LTBP3: variants seen among roughly 807,000 people sequenced by gnomAD.
The protein encoded by LTBP3 is latent transforming growth factor beta binding protein 3, also known as latent-transforming growth factor beta-binding protein 3.
A neutral mutation model predicts 159.7 loss-of-function variants in LTBP3; 97 were observed. The observed-to-expected ratio is 0.61, with a 90% CI of 0.52 to 0.72. The LOEUF (loss-of-function observed/expected upper bound fraction) is 0.72, where lower values mean the gene tolerates loss of function less well. LTBP3 is among the 30% of genes least tolerant of loss of function. LTBP3 has a pLI of 0.00. For synonymous variants in LTBP3, 824 were observed against 777.1 expected (o/e 1.06, Z -1.00); for missense variants, 1,584 against 1,864.3 (o/e 0.85, Z 2.77).
chr11:65,540,198 C>T (rs1234048250), intron 23 of LTBP3, 45 bp from the exon 24 acceptor site: 4 of 1,542,608 alleles, frequency 2.6e-6, no homozygotes, highest in South Asian at 1.2e-5. Flanking sequence ...CAGCTCGGCC[C>T]GGGCCCCGCC....
chr11:65,553,702 G>C lies in LTBP3; in HGVS notation c.863C>G (p.Pro288Arg). The change falls in exon 3 of 28, where the codon CCG becomes CGG. Residue 288 changes from proline to arginine, a missense_variant and splice_region_variant. Physicochemically the swap from Pro to Arg is moderately radical, Grantham distance 103. Around this residue, in one of 6 missense-constraint regions of LTBP3, gnomAD observed 156 missense variants for 259.7 expected, o/e 0.60. Transcript: ENST00000301873. The surrounding 1 kb of genome is among the most constrained non-coding windows in gnomAD (Gnocchi z 6.5). ...GATCCCGACTGTGGATTCACTCACC[G>C]GCTGCTTGGGCAGAGTGTCCTGAAA... is the stretch of plus-strand genomic sequence containing the variant. Reference protein sequence around the residue: ...RCFQDTLPKQPCGSNPLPGLT... With the variant: ...RCFQDTLPKQRCGSNPLPGLT... The C allele has an allele frequency of 1.3e-6, 2 of 1,574,680 alleles. No homozygotes were observed. Among genetic ancestry groups the C allele is most frequent in the Non-Finnish European group, 1.7e-6 (2 of 1,167,962 alleles).
At position 65,553,878 on chromosome 11, in the gene LTBP3, AT is replaced by A; in HGVS notation, c.686del (p.Asn229MetfsTer159). ...AEVQAPPPVVNVRVHHPPEAS... is the reference protein window; with the variant it reads ...AEVQAPPPVVXVRVHHPPEAS... Reference sequence around the variant, plus strand: ...CCTCGGGCGGGTGATGGACGCGCACATTCACCACGGGGGGCGGGGCCTGCAC... The same window carrying A: ...CCTCGGGCGGGTGATGGACGCGCACATCACCACGGGGGGCGGGGCCTGCAC... On this transcript the variant is annotated frameshift_variant, in exon 3 of 28. Coordinates refer to ENST00000301873, the MANE Select transcript of LTBP3 (RefSeq NM_001130144.3). LOFTEE classifies it high-confidence loss of function. The surrounding 1 kb of genome is among the most constrained non-coding windows in gnomAD (Gnocchi z 6.5). 2 of 1,552,440 alleles carry A rather than the reference AT, an allele frequency of 1.3e-6. No individual in the cohort carries two copies. The highest frequency in any genetic ancestry group is 1.7e-6 in the Non-Finnish European group (2 of 1,155,090).
intron 10 of LTBP3, 75 bp downstream of exon 10, chr11:65,551,327 G>A: frequency 6.4e-7 from 1 of 1,566,234 alleles, no homozygotes. Context: ...CTGTCCCCGA[G>A]TACTTAAACT....
rs1271421491 is a variant in LTBP3 at position 65,554,337 on chromosome 11, C to T, written c.375G>A (p.Ser125=). 6 of 1,612,190 alleles carry T rather than the reference C, an allele frequency of 3.7e-6. No homozygotes were observed. Among genetic ancestry groups the T allele is most frequent in the Non-Finnish European group, 5.1e-6 (6 of 1,179,812 alleles). Residue 125 remains serine (S), a synonymous_variant, in exon 2 of 28, where the codon TCG becomes TCA. Transcript: ENST00000301873. This position sits in a 1 kb window ranked among gnomAD's most constrained non-coding sequence, Gnocchi z 5.3. The stretch of plus-strand genomic sequence containing the variant: ...CCGGGGGACACAGGCACTGGTTTCG[C>T]GAGGAGCACTGGCCGCCATTCATGC... The part of the protein sequence containing the change: ...LPCMNGGQCS[S]RNQCLCPPDF...
chr11:65,553,740 G>A lies in LTBP3; in HGVS notation c.825C>T (p.Pro275=), dbSNP rs1856699032. ...GAGTGTCCTGAAAGCAGCGGCCCAG[G>A]GGCTTCTGGGTGGGCGGCCGGGGGT... is the stretch of plus-strand genomic sequence containing the variant. ...PSHPRPPTQK[P]LGRCFQDTLP... is the part of the protein sequence containing the mutation. The change falls in exon 3 of 28, where the codon CCC becomes CCT. Residue 275 remains proline, a synonymous_variant. Transcript: ENST00000301873. This position sits in a 1 kb window ranked among gnomAD's most constrained non-coding sequence, Gnocchi z 6.5. 1.3e-6 allele frequency: 2 copies of A among 1,579,282 alleles called. No individual in the cohort carries two copies. The highest frequency in any genetic ancestry group is 1.7e-6 in the Non-Finnish European group (2 of 1,170,552).
chr11:65,539,766 G>T lies in LTBP3; in HGVS notation c.3501C>A (p.Gly1167=). Reference sequence around the variant, plus strand: ...GTCGGCATTGGGCGCCCCAGCCGCGGCCCTGGCGGCAGCAGCAGTCGTCGA... The same window carrying T: ...GTCGGCATTGGGCGCCCCAGCCGCGTCCCTGGCGGCAGCAGCAGTCGTCGA... ...LTFDDCCCRQ[G]RGWGAQCRPC... The change falls in exon 25 of 28, where the codon GGC becomes GGA. Residue 1167 remains glycine, a synonymous_variant. Coordinates refer to ENST00000301873, the MANE Select transcript of LTBP3 (RefSeq NM_001130144.3). The T allele has an allele frequency of 6.5e-7, 1 of 1,545,410 alleles. No individual in the cohort carries two copies.
intron 20 of LTBP3, 28 bp downstream of exon 20, chr11:65,541,098 C>T: frequency 2.5e-6 from 4 of 1,605,974 alleles, no homozygotes; most frequent in Non-Finnish European, 3.4e-6. Flanking sequence ...AACTGAAGAT[C>T]TGGGAAGGGG....
At chr11:65,548,411 C>T (rs1324868669) in intron 11 of LTBP3, 1 of 524,372 alleles carries the variant, frequency 1.9e-6, no homozygotes, top group Non-Finnish European at 3.5e-6. Context: ...CCCCAGTCGC[C>T]TCAATACCTT....
At position 65,552,722 on chromosome 11, in the gene LTBP3, T is replaced by C. The variant is rs747615870; in HGVS notation, c.1186+138A>G. ...GATCTCATGTGACCCCGGACCCTGCTGATCCCTGATCCTATTGGCTCTGGG... is the reference window on the plus strand; with the variant it reads ...GATCTCATGTGACCCCGGACCCTGCCGATCCCTGATCCTATTGGCTCTGGG... On this transcript the variant is annotated intron_variant, in intron 6 of 27. Coordinates refer to ENST00000301873, the MANE Select transcript of LTBP3 (RefSeq NM_001130144.3). This position sits in a 1 kb window ranked among gnomAD's most constrained non-coding sequence, Gnocchi z 6.0. 12 of 1,286,630 alleles carry C rather than the reference T, an allele frequency of 9.3e-6. No individual in the cohort carries two copies. Among genetic ancestry groups the C allele is most frequent in the Non-Finnish European group, 1.3e-5 (12 of 896,212 alleles). 79.7% of individuals were successfully genotyped at this position (1,286,630 alleles called of 1,614,324 possible).
chr11:65,540,165 G>A lies in LTBP3; in HGVS notation c.3245-12C>T, dbSNP rs985706897. On this transcript the variant is annotated splice_polypyrimidine_tract_variant and intron_variant, in intron 23 of 27. Transcript: ENST00000301873. ...GCACTCGTCCACGTCTACGAACAGC[G>A]AGGGGGTGGGTGGGGGCCGTCACAG... 2.0e-6 allele frequency: 3 copies of A among 1,535,272 alleles called. No individual in the cohort carries two copies. The African/African-American group carries it at 4.1e-5, about 21-fold the overall frequency.
rs1378569789 is a variant in LTBP3, at chr11:65,548,045, T to A, written c.1721A>T (p.Glu574Val). Reference sequence around the variant, plus strand: ...CTGGTTCAGTCGGCACTCATCAGTCTCTGCGGGCATGGCCAGGTCAAGCGG... The same window carrying A: ...CTGGTTCAGTCGGCACTCATCAGTCACTGCGGGCATGGCCAGGTCAAGCGG... ...AVEIAPTQVT[E>V]TDECRLNQNI... is the part of the protein sequence containing the mutation. The change falls in exon 12 of 28, where the codon GAG becomes GTG. Residue 574 changes from glutamate to valine, a missense_variant and splice_region_variant. By Grantham distance (121) the Glu-to-Val change is moderately radical (BLOSUM62 -2). This residue lies in a region of LTBP3 where 565 missense variants were observed against 677.7 expected (regional missense o/e 0.83). Coordinates refer to ENST00000301873, the MANE Select transcript of LTBP3 (RefSeq NM_001130144.3). 4.3e-6 allele frequency: 7 copies of A among 1,613,846 alleles called. No homozygotes were observed. The highest frequency in any genetic ancestry group is 5.9e-6 in the Non-Finnish European group (7 of 1,179,980).
Position 65,553,567 on chromosome 11 carries a change from C to A in LTBP3, c.865-37G>T. 1 of 1,512,484 alleles carries A rather than the reference C, an allele frequency of 6.6e-7. No individual in the cohort carries two copies. The highest frequency in any genetic ancestry group is 9.1e-7 in the Non-Finnish European group (1 of 1,095,282). 93.7% of individuals were successfully genotyped at this position (1,512,484 alleles called of 1,614,324 possible). A position where few individuals can be genotyped will look rare whatever the true frequency, so the allele number is the denominator to read the frequency against. On this transcript the variant is annotated intron_variant, in intron 3 of 27. Coordinates refer to ENST00000301873, the MANE Select transcript of LTBP3 (RefSeq NM_001130144.3). The surrounding 1 kb of genome is among the most constrained non-coding windows in gnomAD (Gnocchi z 6.5). ...AGGGGGAGGTGGGGTCACAGAGCAC[C>A]CCGCCCCGGTGCCGCCTGTTAGGGT...
chr11:65,538,952 C>A lies in LTBP3; in HGVS notation c.*128G>T. The A allele has an allele frequency of 7.6e-7, 1 of 1,312,826 alleles. No homozygotes were observed. The highest frequency in any genetic ancestry group is 1.6e-5 in the African/African-American group (1 of 64,262). 81.3% of individuals were successfully genotyped at this position (1,312,826 alleles called of 1,614,324 possible). A position where few individuals can be genotyped will look rare whatever the true frequency, so the allele number is the denominator to read the frequency against. ...GGTAGGGGCGCCTCGGGTCTCAAGG[C>A]GCCGGGAGGGTCTGCGGGCCCTGAA... On this transcript the variant is annotated 3_prime_UTR_variant, in exon 28 of 28. Transcript: ENST00000301873.
chr11:65,554,282 C>A lies in LTBP3; in HGVS notation c.430G>T (p.Ala144Ser), dbSNP rs181842110. The A allele has an allele frequency of 3.2e-5, 51 of 1,611,034 alleles. No homozygotes were observed. The highest frequency in any genetic ancestry group is 3.3e-4 in the Middle Eastern group (2 of 6,042). The change falls in exon 2 of 28, where the codon GCA (alanine) becomes TCA (serine). Residue 144 changes from alanine (A) to serine (S), a missense_variant. By Grantham distance (99) the Ala-to-Ser change is moderately conservative. Coordinates refer to ENST00000301873, the MANE Select transcript of LTBP3 (RefSeq NM_001130144.3). This position sits in a 1 kb window ranked among gnomAD's most constrained non-coding sequence, Gnocchi z 5.3. ...CCGGTACCCCCACCGGCTCCTCCTG[C>A]GGGCACCTGGCAGAAGCGCCCAGTG... ...DFTGRFCQVP[A>S]GGAGGGTGGS...
rs1254995539 is a variant in LTBP3, at chr11:65,541,127, T to C, written c.2892A>G (p.Ser964=). 2 of 1,612,682 alleles carry C rather than the reference T, an allele frequency of 1.2e-6. No homozygotes were observed. Among genetic ancestry groups the C allele is most frequent in the Non-Finnish European group, 1.7e-6 (2 of 1,179,744 alleles). ...GAAGGGGCCTGCCCGGCTCCTGACC[T>C]GAGCTGTAGACTGGGCAGGGGTAGA... ...CEIYPCPVYS[S]AEFHSLCPDG... The change falls in exon 20 of 28, where the codon TCA becomes TCG. Residue 964 remains serine (S), a splice_region_variant and synonymous_variant. Coordinates refer to ENST00000301873, the MANE Select transcript of LTBP3 (RefSeq NM_001130144.3).
intron 1 of LTBP3, among the ~76,000 whole-genome samples, chr11:65,557,065 T>A (rs1458558686): frequency 7.2e-5 from 11 of 151,884 alleles, no homozygotes; most frequent in Admixed American, 7.2e-4. Flanking sequence ...CCCGAACTAG[T>A]CCCTACCTTC....
In LTBP3 at chr11:65,540,238, G is replaced by A. The variant is rs1251616840; in HGVS notation, c.3244+7C>T. The stretch of plus-strand genomic sequence containing the variant: ...CCGCGTACCCCACTCCCCGGCCCGG[G>A]CCTCACCCATCTCTTCCGGGCTCAG... On this transcript the variant is annotated splice_region_variant and intron_variant, in intron 23 of 27. Coordinates refer to ENST00000301873, the MANE Select transcript of LTBP3 (RefSeq NM_001130144.3). The A allele has an allele frequency of 6.5e-7, 1 of 1,549,398 alleles. No homozygotes were observed. Among genetic ancestry groups the A allele is most frequent in the Non-Finnish European group, 8.7e-7 (1 of 1,146,744 alleles).
intron 20 of LTBP3, 23 bp from the exon 21 acceptor site, chr11:65,540,977 G>A: frequency 6.2e-7 from 1 of 1,609,438 alleles, no homozygotes; most frequent in Non-Finnish European, 8.5e-7. Flanking sequence ...GGCGGCCGTG[G>A]GGAGGGAAGA....
chr11:65,545,309 G>T, intron 16 of LTBP3: 1 of 204,208 alleles, frequency 4.9e-6, no homozygotes, highest in Non-Finnish European at 1.0e-5. Flanking sequence ...AACCCACCTT[G>T]GGTTGGCTAA....
Sources: gnomAD v4.1 joint callset for allele counts (sites outside exome capture counted in the v4.1 genomes callset) on GRCh38, gnomAD v4.1.1 for gene constraint, gnomAD v4.1.1 regional missense constraint, Gnocchi (gnomAD v3.1) non-coding constraint, MANE v1.5 for transcripts, NCBI Gene and HGNC (gene_info 2026-07-23, HGNC 2026-07-21) for gene names.